The following GRIP1 variants were observed in gnomAD, a reference collection of about 807,000 sequenced individuals.
GRIP1 encodes glutamate receptor interacting protein 1, also known as glutamate receptor-interacting protein 1.
Under a neutral mutation model 129.9 loss-of-function variants are expected in GRIP1, and 45 were observed. The observed-to-expected ratio is 0.35, with a 90% CI of 0.27 to 0.44. The LOEUF (loss-of-function observed/expected upper bound fraction) is 0.44. GRIP1 is among the 20% of genes least tolerant of loss of function. The probability of loss-of-function intolerance (pLI) is 1.00; values close to 1 mark genes in which losing one functional copy is unlikely to be tolerated. For synonymous variants in GRIP1, 530 were observed against 520.8 expected (o/e 1.02, Z -0.24); for missense variants, 1,196 against 1,396.8 (o/e 0.86, Z 2.29).
chr12:66,602,617 A>G (rs1253044792), intron 1 of GRIP1, among the ~76,000 whole-genome samples: 1 of 152,108 alleles, frequency 6.6e-6, no homozygotes, highest in African/African-American at 2.4e-5. Context: ...ACACCAGAAG[A>G]TTAGGGAATG....
chr12:66,451,095 G>A (rs1440570133), intron 11 of GRIP1, among the ~76,000 whole-genome samples: 3 of 152,140 alleles, frequency 2.0e-5, no homozygotes, highest in Admixed American at 6.5e-5. Context: ...CCTAACTGGT[G>A]TATGCCGAGG....
At chr12:66,614,604 A>C (rs1006345746) in intron 1 of GRIP1, among the ~76,000 whole-genome samples, 17 of 152,138 alleles carry the variant, frequency 1.1e-4, no homozygotes, top group African/African-American at 4.1e-4. Context: ...TCTACTATGC[A>C]TGCATGACTG....
chr12:66,740,374 T>G (rs981918287), intron 1 of GRIP1, among the ~76,000 whole-genome samples: 1 of 152,150 alleles, frequency 6.6e-6, no homozygotes, highest in African/African-American at 2.4e-5. Flanking sequence ...GATACAAATG[T>G]CAGCATCAGC....
At chr12:66,409,434 T>G (rs2057308084) in intron 15 of GRIP1, among the ~76,000 whole-genome samples, 2 of 152,218 alleles carry the variant, frequency 1.3e-5, no homozygotes, top group South Asian at 4.1e-4. Flanking sequence ...CAAGGCAGTA[T>G]TTTTGAGTCT....
At chr12:66,920,986 C>T (rs1173668907) in intron 1 of GRIP1, among the ~76,000 whole-genome samples, 12 of 152,160 alleles carry the variant, frequency 7.9e-5, no homozygotes, top group Non-Finnish European at 1.5e-5. Context: ...ATGGCACAAC[C>T]CAGCCTCTGA....
chr12:66,790,909 GAGAAGGTATCAAA>G (rs1270693259), intron 1 of GRIP1, among the ~76,000 whole-genome samples: 4 of 152,162 alleles, frequency 2.6e-5, no homozygotes, highest in African/African-American at 9.7e-5. Context: ...CGGGAGGAAG[GAGAAGGTATCAAA>G]GAGAGGCTGG....
At chr12:66,485,593 A>G (rs2059931996) in intron 7 of GRIP1, among the ~76,000 whole-genome samples, 1 of 151,978 alleles carries the variant, frequency 6.6e-6, no homozygotes, top group Non-Finnish European at 1.5e-5. Flanking sequence ...TATTTATATT[A>G]TGGTTATACT....
intron 2 of GRIP1, among the ~76,000 whole-genome samples, chr12:66,584,285 A>G (rs1375972700): frequency 2.0e-5 from 3 of 151,772 alleles, no homozygotes; most frequent in African/African-American, 7.3e-5. Context: ...GAGGGATAGC[A>G]TTGGGAGATA....
chr12:66,659,800 T>C (rs911750448), intron 1 of GRIP1, among the ~76,000 whole-genome samples: 4 of 152,198 alleles, frequency 2.6e-5, no homozygotes, highest in Non-Finnish European at 5.9e-5. Flanking sequence ...TATTAACTCT[T>C]GGTGACTTGT....
chr12:66,403,333 C>T (rs1467716405), intron 16 of GRIP1, among the ~76,000 whole-genome samples: 4 of 152,112 alleles, frequency 2.6e-5, no homozygotes, highest in Non-Finnish European at 5.9e-5. Flanking sequence ...GGTTTTAAAA[C>T]ATTTGCTCTT....
intron 7 of GRIP1, among the ~76,000 whole-genome samples, chr12:66,480,087 A>T (rs2059756046): frequency 6.6e-6 from 1 of 152,170 alleles, no homozygotes. Flanking sequence ...AGGAAGAGAA[A>T]GAAATAACGG....
chr12:66,441,184 T>C (rs1465746080), intron 13 of GRIP1, among the ~76,000 whole-genome samples: 3 of 152,372 alleles, frequency 2.0e-5, no homozygotes, highest in South Asian at 4.1e-4. Flanking sequence ...TCCTACCTTA[T>C]GTTACTTGAA....
At chr12:66,533,988 T>C (rs564607552) in intron 4 of GRIP1, among the ~76,000 whole-genome samples, 1 of 152,158 alleles carries the variant, frequency 6.6e-6, no homozygotes, top group Admixed American at 6.5e-5. Context: ...TGGCCTTGGG[T>C]CGCTTGTCTT....
At chr12:67,038,283 T>A (rs1242996530) in intron 1 of GRIP1, among the ~76,000 whole-genome samples, 1 of 152,206 alleles carries the variant, frequency 6.6e-6, no homozygotes, top group Non-Finnish European at 1.5e-5. Flanking sequence ...TTCTAGCCCA[T>A]CCATTCCTGT....
chr12:66,739,899 A>C (rs2036734430), intron 1 of GRIP1, among the ~76,000 whole-genome samples: 1 of 152,168 alleles, frequency 6.6e-6, no homozygotes, highest in Non-Finnish European at 1.5e-5. Context: ...CTCAGTCCTC[A>C]ATAGTAGTCT....
At chr12:66,459,974 T>G (rs1434794050) in intron 9 of GRIP1, among the ~76,000 whole-genome samples, 2 of 152,206 alleles carry the variant, frequency 1.3e-5, no homozygotes, top group Non-Finnish European at 2.9e-5. Context: ...ACTGATTACT[T>G]ATTATATACT....
At chr12:66,408,743 T>G (rs1305714995) in intron 15 of GRIP1, among the ~76,000 whole-genome samples, 1 of 152,188 alleles carries the variant, frequency 6.6e-6, no homozygotes, top group African/African-American at 2.4e-5. Flanking sequence ...TCCCTGATTC[T>G]AGGCCTTAGC....
intron 2 of GRIP1, among the ~76,000 whole-genome samples, chr12:66,587,028 T>C (rs1266867355): frequency 6.6e-6 from 1 of 152,206 alleles, no homozygotes; most frequent in Admixed American, 6.5e-5. Flanking sequence ...GACACAGCCT[T>C]GTCTCTTCTC....
intron 2 of GRIP1, among the ~76,000 whole-genome samples, chr12:66,578,238 T>TTTTTTTTG (rs1555210386): frequency 6.2e-5 from 9 of 144,392 alleles, no homozygotes; most frequent in African/African-American, 2.3e-4. Context: ...CGCGGTTTTT[T>TTTTTTTTG]TTTTTTTTTT....
Sources: allele counts gnomAD v4.1 joint callset (sites outside exome capture counted in the v4.1 genomes callset), GRCh38; gene constraint gnomAD v4.1.1; transcripts MANE v1.5; gene names NCBI Gene and HGNC (gene_info 2026-07-23, HGNC 2026-07-21).